The following NEGR1 variants were observed in gnomAD, a reference collection of about 807,000 sequenced individuals.
NEGR1 encodes the protein neuronal growth regulator 1, also known as IgLON family member 4.
NEGR1 carries 10 observed loss-of-function variants against 40.9 expected under a neutral mutation model. That is an observed-to-expected ratio of 0.24 (90% CI 0.15 to 0.42). The LOEUF is 0.42. Among genes scored for constraint, NEGR1 ranks in the 10% least tolerant of loss-of-function variants. The pLI, the probability that NEGR1 is intolerant of heterozygous loss-of-function variation, is 1.00. For synonymous variants in NEGR1, 185 were observed against 166.8 expected, an observed-to-expected ratio of 1.11 and a Z score of -0.84; for missense variants, 352 against 438.9, an observed-to-expected ratio of 0.80 and a Z score of 1.77.
chr1:72,099,641 T>C (rs184043725), intron 1 of NEGR1, among the ~76,000 whole-genome samples: 104 of 152,152 alleles, frequency 6.8e-4, no homozygotes, highest in Middle Eastern at 3.4e-3. Flanking sequence ...AGGTCTAATA[T>C]TTATTTTGCA....
At chr1:71,903,548 A>G (rs747847037) in intron 2 of NEGR1, among the ~76,000 whole-genome samples, 1 of 152,016 alleles carries the variant, frequency 6.6e-6, no homozygotes, top group Non-Finnish European at 1.5e-5. Flanking sequence ...GAAATATCCT[A>G]GAAGTCCCAT....
intron 2 of NEGR1, among the ~76,000 whole-genome samples, chr1:71,838,956 ATGTAAGC>A (rs1486572076): frequency 6.6e-6 from 1 of 152,090 alleles, no homozygotes; most frequent in African/African-American, 2.4e-5. Flanking sequence ...GTTTGAGAAA[ATGTAAGC>A]TGTTTTTAAA....
intron 1 of NEGR1, among the ~76,000 whole-genome samples, chr1:72,257,072 C>T (rs978025255): frequency 1.1e-4 from 17 of 152,160 alleles, no homozygotes; most frequent in African/African-American, 4.1e-4. Flanking sequence ...CCTGTAATCC[C>T]AGCACTTTGG....
intron 5 of NEGR1, among the ~76,000 whole-genome samples, chr1:71,606,147 G>A (rs963229905): frequency 6.6e-6 from 1 of 152,152 alleles, no homozygotes; most frequent in Non-Finnish European, 1.5e-5. Context: ...ATATATTATG[G>A]ATATGACAGA....
intron 4 of NEGR1, among the ~76,000 whole-genome samples, chr1:71,649,278 G>A (rs1651630914): frequency 6.6e-6 from 1 of 152,028 alleles, no homozygotes; most frequent in South Asian, 2.1e-4. Context: ...CCTTTTCAGA[G>A]GGACAATTTG....
chr1:71,671,059 A>G (rs370503578), intron 4 of NEGR1, among the ~76,000 whole-genome samples: 17 of 151,874 alleles, frequency 1.1e-4, no homozygotes, highest in African/African-American at 4.1e-4. Context: ...TAATATGCGA[A>G]TTATAACTAT....
intron 1 of NEGR1, among the ~76,000 whole-genome samples, chr1:72,235,638 T>C (rs1394529865): frequency 6.6e-6 from 1 of 151,996 alleles, no homozygotes; most frequent in Non-Finnish European, 1.5e-5. Context: ...AAAGTACTTA[T>C]TGAAAATAGA....
intron 1 of NEGR1, among the ~76,000 whole-genome samples, chr1:72,201,988 T>C (rs1478909728): frequency 2.0e-5 from 3 of 151,970 alleles, no homozygotes; most frequent in Non-Finnish European, 4.4e-5. Context: ...GAATAAGTCT[T>C]TTGGTACCAT....
intron 6 of NEGR1, among the ~76,000 whole-genome samples, chr1:71,443,556 T>A (rs1359681548): frequency 2.0e-5 from 3 of 152,232 alleles, no homozygotes; most frequent in African/African-American, 7.2e-5. Flanking sequence ...AATGATTATT[T>A]CTTGATCAGA....
At chr1:71,764,804 A>C (rs371356675) in intron 3 of NEGR1, among the ~76,000 whole-genome samples, 23 of 152,316 alleles carry the variant, frequency 1.5e-4, no homozygotes, top group African/African-American at 5.5e-4. Flanking sequence ...GCAAATTGGA[A>C]AGGTGAAAAA....
chr1:71,812,777 T>C (rs1471651557), intron 2 of NEGR1, among the ~76,000 whole-genome samples: 2 of 152,126 alleles, frequency 1.3e-5, no homozygotes, highest in African/African-American at 4.8e-5. Flanking sequence ...TGTAAATTTG[T>C]TTAAAGTCCT....
chr1:71,932,547 A>T (rs1401163049), intron 2 of NEGR1, among the ~76,000 whole-genome samples: 1 of 152,054 alleles, frequency 6.6e-6, no homozygotes, highest in Non-Finnish European at 1.5e-5. Flanking sequence ...AAATTTCTCA[A>T]ACATAGTGTC....
At chr1:71,680,041 T>C (rs1652783361) in intron 4 of NEGR1, among the ~76,000 whole-genome samples, 2 of 152,058 alleles carry the variant, frequency 1.3e-5, no homozygotes, top group African/African-American at 4.8e-5. Flanking sequence ...TTTAGAATCT[T>C]TGAATCAATT....
rs559438770 is a variant in NEGR1 at position 71,500,034 on chromosome 1, G to A, written c.941-92464C>T. ...AAATTAAAAGGCTTATTTAATGGAG[G>A]ATATTTTATGAATTTAAAAAATCAA... On this transcript the variant is annotated intron_variant, in intron 6 of 6. Coordinates refer to ENST00000357731, the MANE Select transcript of NEGR1 (RefSeq NM_173808.3). Among the ~76,000 whole-genome samples, 4 of 151,994 alleles carry A rather than the reference G, an allele frequency of 2.6e-5. No individual in the cohort carries two copies. In the East Asian group the frequency reaches 7.7e-4, roughly 29 times the overall value.
chr1:72,200,485 G>C, intron 1 of NEGR1, among the ~76,000 whole-genome samples: 1 of 151,796 alleles, frequency 6.6e-6, no homozygotes, highest in East Asian at 1.9e-4. Context: ...TGGACACAAA[G>C]ATGGCAACAA....
At chr1:72,067,390 C>T (rs891932854) in intron 1 of NEGR1, among the ~76,000 whole-genome samples, 1 of 151,918 alleles carries the variant, frequency 6.6e-6, no homozygotes, top group African/African-American at 2.4e-5. Context: ...AGATGCATCT[C>T]GTCATACCTA....
At chr1:71,475,665 C>T (rs907490557) in intron 6 of NEGR1, among the ~76,000 whole-genome samples, 3 of 151,992 alleles carry the variant, frequency 2.0e-5, no homozygotes, top group Non-Finnish European at 2.9e-5. Context: ...AGATTTCACA[C>T]ATATTTGCTT....
chr1:72,209,621 G>A (rs916191187), intron 1 of NEGR1, among the ~76,000 whole-genome samples: 9 of 151,762 alleles, frequency 5.9e-5, no homozygotes, highest in South Asian at 2.1e-4. Context: ...TTGTACTACC[G>A]ATATGACATT....
chr1:71,417,551 C>T (rs927540096), intron 6 of NEGR1, among the ~76,000 whole-genome samples: 4 of 152,068 alleles, frequency 2.6e-5, no homozygotes, highest in African/African-American at 9.7e-5. Context: ...TATAAACACA[C>T]ACCCAAGAGA....
Sources: gnomAD v4.1 joint callset for allele counts (sites outside exome capture counted in the v4.1 genomes callset) on GRCh38, gnomAD v4.1.1 for gene constraint, MANE v1.5 for transcripts, NCBI Gene and HGNC (gene_info 2026-07-23, HGNC 2026-07-21) for gene names.